Variants in EGFR observed in about 807,000 individuals in gnomAD.
EGFR encodes the protein avian erythroblastic leukemia viral (v-erb-b) oncogene homolog.
In EGFR, 58 loss-of-function variants were observed where a neutral mutation model predicts 143.0. That is an observed-to-expected ratio of 0.41 (90% confidence interval 0.33 to 0.50). EGFR has a LOEUF of 0.50. Ranked by LOEUF, EGFR falls within the 20% of genes least tolerant of loss-of-function variation. EGFR has a pLI of 0.39. For synonymous variants in EGFR, 613 were observed against 594.4 expected (o/e 1.03, Z -0.45); for missense variants, 1,307 against 1,579.0 (o/e 0.83, Z 2.92).
At chr7:55,170,316 TGA>T (rs758925495) in intron 15 of EGFR, 8 of 1,614,196 alleles carry the variant, frequency 5.0e-6, no homozygotes, top group Non-Finnish European at 6.8e-6. Flanking sequence ...GGCCAGGAAA[TGA>T]GAGTCTCAAA....
At chr7:55,097,197 C>T (rs1042019508) in intron 1 of EGFR, among the ~76,000 whole-genome samples, 1 of 152,102 alleles carries the variant, frequency 6.6e-6, no homozygotes, top group Admixed American at 6.5e-5. Context: ...TCACAAGCAC[C>T]CCCAGGTGAT....
At chr7:55,195,576 T>C (rs1487704773) in intron 22 of EGFR, among the ~76,000 whole-genome samples, 2 of 152,130 alleles carry the variant, frequency 1.3e-5, no homozygotes, top group African/African-American at 4.8e-5. Context: ...TATAGGTAAA[T>C]TTGTGTCATG....
chr7:55,038,724 C>A (rs187328766), intron 1 of EGFR, among the ~76,000 whole-genome samples: 4 of 151,406 alleles, frequency 2.6e-5, no homozygotes, highest in Admixed American at 2.0e-4. Flanking sequence ...ATAAATCAGT[C>A]CTCCTGTGTG....
intron 1 of EGFR, among the ~76,000 whole-genome samples, chr7:55,049,954 C>T (rs1353480866): frequency 6.6e-6 from 1 of 152,134 alleles, no homozygotes; most frequent in East Asian, 1.9e-4. Context: ...ATCACCTTCA[C>T]CCCCACCCTC....
chr7:55,191,751 G>T lies in EGFR; in HGVS notation c.2502G>T (p.Val834=). ...ACTACTTGGAGGACCGTCGCTTGGTGCACCGCGACCTGGCAGCCAGGAACG... is the reference window on the plus strand; with the variant it reads ...ACTACTTGGAGGACCGTCGCTTGGTTCACCGCGACCTGGCAGCCAGGAACG... The part of the protein sequence containing the change: ...GMNYLEDRRL[V]HRDLAARNVL... The change falls in exon 21 of 28, where the codon GTG becomes GTT. Residue 834 remains valine, a synonymous_variant. Coordinates refer to ENST00000275493, the MANE Select transcript of EGFR (RefSeq NM_005228.5). The T allele has an allele frequency of 6.2e-7, 1 of 1,614,010 alleles. No homozygotes were observed. The highest frequency in any genetic ancestry group is 8.5e-7 in the Non-Finnish European group (1 of 1,180,022).
intron 1 of EGFR, among the ~76,000 whole-genome samples, chr7:55,121,781 G>A (rs981536686): frequency 4.6e-5 from 7 of 152,218 alleles, no homozygotes; most frequent in African/African-American, 1.7e-4. Context: ...GAATCGAAAA[G>A]CATTTAAGTG....
chr7:55,059,020 T>A (rs970875437), intron 1 of EGFR, among the ~76,000 whole-genome samples: 2 of 152,210 alleles, frequency 1.3e-5, no homozygotes, highest in Non-Finnish European at 2.9e-5. Flanking sequence ...CTTTTTCTGT[T>A]GGACCTGGTG....
At chr7:55,075,667 G>A (rs17335947) in intron 1 of EGFR, among the ~76,000 whole-genome samples, 49 of 152,248 alleles carry the variant, frequency 3.2e-4, no homozygotes, top group African/African-American at 1.1e-3. Flanking sequence ...ACCTACCACC[G>A]TAGTGAGGAC....
At position 55,101,214 on chromosome 7, in the gene EGFR, G is replaced by A. The variant is rs146976892; in HGVS notation, c.89-41072G>A. Reference sequence around the variant, plus strand: ...CCCTGTCCTGTCCACCAGACTTTACGCTTGCGTCACTGGGCTTTGGGACCT... The same window carrying A: ...CCCTGTCCTGTCCACCAGACTTTACACTTGCGTCACTGGGCTTTGGGACCT... On this transcript the variant is annotated intron_variant, in intron 1 of 27. Coordinates refer to ENST00000275493, the MANE Select transcript of EGFR (RefSeq NM_005228.5). 8.3e-4 allele frequency among the ~76,000 whole-genome samples: 126 copies of A among 152,294 alleles called. 1 individual carries two copies. The Middle Eastern group carries it at 0.01, about 12-fold the overall frequency.
chr7:55,071,490 G>C (rs1356236557), intron 1 of EGFR, among the ~76,000 whole-genome samples: 12 of 152,240 alleles, frequency 7.9e-5, no homozygotes, highest in Admixed American at 7.2e-4. Flanking sequence ...TGGCCTGGCT[G>C]TGTTAAACAC....
At chr7:55,171,365 G>A in intron 16 of EGFR, 152 bp downstream of exon 16, 2 of 1,137,916 alleles carry the variant, frequency 1.8e-6, no homozygotes, top group South Asian at 2.6e-5. Flanking sequence ...GGTTTCTGCA[G>A]AGACTGCCCA....
chr7:55,149,379 G>A (rs1283713789), intron 4 of EGFR, among the ~76,000 whole-genome samples: 9 of 151,064 alleles, frequency 6.0e-5, no homozygotes, highest in African/African-American at 1.5e-4. Flanking sequence ...ACACACACAC[G>A]CACACATACA....
chr7:55,126,152 A>G (rs1411123921), intron 1 of EGFR, among the ~76,000 whole-genome samples: 1 of 152,174 alleles, frequency 6.6e-6, no homozygotes, highest in Non-Finnish European at 1.5e-5. Flanking sequence ...AGACCAGGTC[A>G]GGTTTCTGCA....
At chr7:55,067,518 T>C (rs1182667127) in intron 1 of EGFR, among the ~76,000 whole-genome samples, 3 of 151,482 alleles carry the variant, frequency 2.0e-5, no homozygotes, top group Admixed American at 6.6e-5. Context: ...AACATTTAAG[T>C]TTTGAATTAT....
At chr7:55,189,743 A>C (rs1201025295) in intron 20 of EGFR, among the ~76,000 whole-genome samples, 1 of 152,220 alleles carries the variant, frequency 6.6e-6, no homozygotes, top group Non-Finnish European at 1.5e-5. Flanking sequence ...GTGAAGAACG[A>C]ACAAAAGGTA....
intron 1 of EGFR, among the ~76,000 whole-genome samples, chr7:55,067,736 G>C (rs958314045): frequency 2.0e-5 from 3 of 151,276 alleles, no homozygotes; most frequent in Admixed American, 6.6e-5. Flanking sequence ...TCATATGCAC[G>C]TACATTGTAT....
rs2128958406 is a variant in EGFR at position 55,181,322 on chromosome 7, C to T, written c.2313C>T (p.Asn771=). 6.2e-7 allele frequency: 1 copy of T among 1,614,230 alleles called. No homozygotes were observed. The highest frequency in any genetic ancestry group is 8.5e-7 in the Non-Finnish European group (1 of 1,180,054). ...CCTACGTGATGGCCAGCGTGGACAA[C>T]CCCCACGTGTGCCGCCTGCTGGGCA... The part of the protein sequence containing the change: ...DEAYVMASVD[N]PHVCRLLGIC... Residue 771 remains asparagine (N), a synonymous_variant, in exon 20 of 28, where the codon AAC becomes AAT. Transcript: ENST00000275493.
At chr7:55,085,088 G>T (rs1790676797) in intron 1 of EGFR, among the ~76,000 whole-genome samples, 1 of 152,074 alleles carries the variant, frequency 6.6e-6, no homozygotes, top group African/African-American at 2.4e-5. Context: ...GGTAATTTAG[G>T]AGCTGAAGGT....
At chr7:55,022,734 G>A (rs745398458) in intron 1 of EGFR, among the ~76,000 whole-genome samples, 1 of 152,214 alleles carries the variant, frequency 6.6e-6, no homozygotes, top group African/African-American at 2.4e-5. Flanking sequence ...CTGGCTGAGA[G>A]CTCCAATAGG....
Sources: allele counts gnomAD v4.1 joint callset (sites outside exome capture counted in the v4.1 genomes callset), GRCh38; gene constraint gnomAD v4.1.1; transcripts MANE v1.5; gene names NCBI Gene and HGNC (gene_info 2026-07-23, HGNC 2026-07-21).